Variants in TCEAL8 observed in about 807,000 individuals in gnomAD.
TCEAL8 encodes the protein transcription elongation factor A protein-like 8.
For missense variants in TCEAL8, 78 were observed against 92.0 expected, an observed-to-expected ratio of 0.85 and a Z score of 0.62; for synonymous variants, 41 against 29.6, an observed-to-expected ratio of 1.38 and a Z score of -1.25.
chrX:103,253,161 CTT>C lies in TCEAL8; in HGVS notation c.*463_*464del, dbSNP rs1360755203. On this transcript the variant is annotated 3_prime_UTR_variant, in exon 3 of 3. Coordinates refer to ENST00000372685, the MANE Select transcript of TCEAL8 (RefSeq NM_153333.3). The stretch of plus-strand genomic sequence containing the variant: ...TTACTTGTAAAAAAAATCCTTAATT[CTT>C]TTTGTGTGTGAGACACGTGTTCATT... 8.7e-6 allele frequency: 1 copy of C among 115,523 alleles called. No homozygotes were observed. Among genetic ancestry groups the C allele is most frequent in the African/African-American group, 3.2e-5 (1 of 30,914 alleles). 9.5% of individuals were successfully genotyped at this position (115,523 alleles called of 1,213,427 possible). A position where few individuals can be genotyped will look rare whatever the true frequency, so the allele number is the denominator to read the frequency against.
rs962873544 is a variant in TCEAL8 at position 103,254,038 on chromosome X, A to T, written c.-38-21T>A. 4.9e-6 allele frequency: 5 copies of T among 1,020,967 alleles called. No individual in the cohort carries two copies. The African/African-American group carries it at 7.6e-5, about 16-fold the overall frequency. 84.1% of individuals were successfully genotyped at this position (1,020,967 alleles called of 1,213,427 possible). On this transcript the variant is annotated intron_variant, in intron 2 of 2. Transcript: ENST00000372685. ...TAATCCTAGAAAACAAGGAAACAAAACTACTAGATTCCAGGCAAACAGACC... is the reference window on the plus strand; with the variant it reads ...TAATCCTAGAAAACAAGGAAACAAATCTACTAGATTCCAGGCAAACAGACC...
rs766783200 is a variant in TCEAL8, at chrX:103,254,008, T to C, written c.-29A>G. The C allele has an allele frequency of 1.8e-6, 2 of 1,122,053 alleles. No homozygotes were observed. Among genetic ancestry groups the C allele is most frequent in the Non-Finnish European group, 2.4e-6 (2 of 829,838 alleles). 92.5% of individuals were successfully genotyped at this position (1,122,053 alleles called of 1,213,427 possible). ...GAGTATTTTTTATTTCCTTTTTGAA[T>C]AAATTAATCCTAGAAAACAAGGAAA... On this transcript the variant is annotated 5_prime_UTR_variant, in exon 3 of 3. Coordinates refer to ENST00000372685, the MANE Select transcript of TCEAL8 (RefSeq NM_153333.3).
rs981688813 is a variant in TCEAL8 at position 103,253,926 on chromosome X, G to C, written c.54C>G (p.Ala18=). 2 of 1,211,490 alleles carry C rather than the reference G, an allele frequency of 1.7e-6. No individual in the cohort carries two copies. Among genetic ancestry groups the C allele is most frequent in the Admixed American group, 2.2e-5 (1 of 46,061 alleles). ...CATCCTCCAAAGGGCGATCTTCCTC[G>C]GCCTTTGGCATGTTCTGTGGTTTTC... ...NEGKPQNMPK[A]EEDRPLEDVP... Residue 18 remains alanine (A), a synonymous_variant, in exon 3 of 3, where the codon GCC becomes GCG. Coordinates refer to ENST00000372685, the MANE Select transcript of TCEAL8 (RefSeq NM_153333.3).
rs767434897 is a variant in TCEAL8 at position 103,253,993 on chromosome X, T to A, written c.-14A>T. 2 of 1,150,482 alleles carry A rather than the reference T, an allele frequency of 1.7e-6. No homozygotes were observed. Among genetic ancestry groups the A allele is most frequent in the Non-Finnish European group, 2.3e-6 (2 of 854,072 alleles). The allele number at this position is 1,150,482 out of a possible 1,213,427, so 94.8% of individuals were successfully genotyped here. A position where few individuals can be genotyped will look rare whatever the true frequency, so the allele number is the denominator to read the frequency against. ...AGACTTTTGCATATTGAGTATTTTTTATTTCCTTTTTGAATAAATTAATCC... is the reference window on the plus strand; with the variant it reads ...AGACTTTTGCATATTGAGTATTTTTAATTTCCTTTTTGAATAAATTAATCC... On this transcript the variant is annotated 5_prime_UTR_variant, in exon 3 of 3. Coordinates refer to ENST00000372685, the MANE Select transcript of TCEAL8 (RefSeq NM_153333.3).
intron 2 of TCEAL8, 53 bp from the exon 3 acceptor site, chrX:103,254,070 CAG>C (rs1569304213): frequency 2.1e-5 from 17 of 820,484 alleles, no homozygotes; most frequent in Non-Finnish European, 3.0e-5. Context: ...GACCAGCAGT[CAG>C]AGTATGGGGT....
rs981688813 is a variant in TCEAL8 at position 103,253,926 on chromosome X, G to A, written c.54C>T (p.Ala18=). The change falls in exon 3 of 3, where the codon GCC becomes GCT. Residue 18 remains alanine, a synonymous_variant. Transcript: ENST00000372685. ...CATCCTCCAAAGGGCGATCTTCCTC[G>A]GCCTTTGGCATGTTCTGTGGTTTTC... is the stretch of plus-strand genomic sequence containing the variant. ...NEGKPQNMPK[A]EEDRPLEDVP... is the part of the protein sequence containing the mutation. 6 of 1,210,031 alleles carry A rather than the reference G, an allele frequency of 5.0e-6. No homozygotes were observed. The highest frequency in any genetic ancestry group is 6.7e-6 in the Non-Finnish European group (6 of 895,111).
At chrX:103,254,576 G>A (rs1286703867) in intron 2 of TCEAL8, 29 bp downstream of exon 2, 1 of 112,105 alleles carries the variant, frequency 8.9e-6, no homozygotes, top group Non-Finnish European at 1.9e-5. Context: ...GAAGAGACCT[G>A]AAGCAATTGC....
chrX:103,253,741 T>C lies in TCEAL8; in HGVS notation c.239A>G (p.Asp80Gly). The C allele has an allele frequency of 5.8e-6, 7 of 1,212,145 alleles. No individual in the cohort carries two copies. The highest frequency in any genetic ancestry group is 7.8e-6 in the Non-Finnish European group (7 of 895,538). ...LDPEEMIRGV[D>G]ELERLREEIR... The stretch of plus-strand genomic sequence containing the variant: ...CTCTTCCCTAAGCCTTTCAAGCTCA[T>C]CTACTCCTCTTATCATTTCTTCAGG... Residue 80 changes from aspartate to glycine, a missense_variant, in exon 3 of 3, where the codon GAT becomes GGT. Transcript: ENST00000372685.
intron 2 of TCEAL8, among the ~76,000 whole-genome samples, chrX:103,254,391 C>A (rs1284005342): frequency 2.7e-5 from 3 of 110,829 alleles, no homozygotes; most frequent in Non-Finnish European, 5.7e-5. Flanking sequence ...TCACCTGAGA[C>A]GGCTGGTCCA....
chrX:103,253,495 T>G lies in TCEAL8; in HGVS notation c.*131A>C. ...CAAAATCCAAAATCCAATGAGATGC[T>G]GGTACCAAGGAAATTACCTAAAACA... On this transcript the variant is annotated 3_prime_UTR_variant, in exon 3 of 3. Coordinates refer to ENST00000372685, the MANE Select transcript of TCEAL8 (RefSeq NM_153333.3). 1.9e-6 allele frequency: 1 copy of G among 534,417 alleles called. No individual in the cohort carries two copies. Among genetic ancestry groups the G allele is most frequent in the East Asian group, 3.7e-5 (1 of 27,078 alleles). The allele number at this position is 534,417 out of a possible 1,213,427, so 44.0% of individuals were successfully genotyped here.
In TCEAL8 at chrX:103,253,203, A is replaced by T. The variant is rs1224467087; in HGVS notation, c.*423T>A. On this transcript the variant is annotated 3_prime_UTR_variant, in exon 3 of 3. Transcript: ENST00000372685. The stretch of plus-strand genomic sequence containing the variant: ...ACGTGTTCATTAAAAAGTACATATA[A>T]GCAAAAAGAACAAAAAGAAGAAAAC... 1 of 123,704 alleles carries T rather than the reference A, an allele frequency of 8.1e-6. No homozygotes were observed. Among genetic ancestry groups the T allele is most frequent in the African/African-American group, 3.2e-5 (1 of 31,349 alleles). 10.2% of individuals were successfully genotyped at this position (123,704 alleles called of 1,213,427 possible). A position where few individuals can be genotyped will look rare whatever the true frequency, so the allele number is the denominator to read the frequency against.
Position 103,253,684 on chromosome X carries a change from A to C in TCEAL8, c.296T>G (p.Met99Arg). ...IRRVRNKFVM[M>R]HWKQRHSRSR... ...GCGTGAATGTCTTTGCTTCCAATGC[A>C]TCATCACAAACTTGTTTCTTACTCT... The change falls in exon 3 of 3, where the codon ATG (methionine) becomes AGG (arginine). Residue 99 changes from methionine to arginine, a missense_variant. Transcript: ENST00000372685. 1 of 1,212,102 alleles carries C rather than the reference A, an allele frequency of 8.3e-7. No individual in the cohort carries two copies. Among genetic ancestry groups the C allele is most frequent in the Non-Finnish European group, 1.1e-6 (1 of 895,551 alleles).
In TCEAL8 at chrX:103,253,902, A is replaced by G; in HGVS notation, c.78T>C (p.Asp26=). ...PKAEEDRPLE[D]VPQEAEGNPQ... is the part of the protein sequence containing the mutation. The stretch of plus-strand genomic sequence containing the variant: ...GATTTCCTTCTGCCTCCTGTGGTAC[A>G]TCCTCCAAAGGGCGATCTTCCTCGG... The change falls in exon 3 of 3, where the codon GAT becomes GAC. Residue 26 remains aspartate, a synonymous_variant. Coordinates refer to ENST00000372685, the MANE Select transcript of TCEAL8 (RefSeq NM_153333.3). The G allele has an allele frequency of 8.3e-7, 1 of 1,212,009 alleles. No individual in the cohort carries two copies. The highest frequency in any genetic ancestry group is 1.1e-6 in the Non-Finnish European group (1 of 895,543).
At position 103,253,872 on chromosome X, in the gene TCEAL8, T is replaced by C. The variant is rs781204546; in HGVS notation, c.108A>G (p.Gln36=). 1.7e-6 allele frequency: 2 copies of C among 1,210,790 alleles called. No individual in the cohort carries two copies. The highest frequency in any genetic ancestry group is 1.8e-5 in the South Asian group (1 of 56,868). Reference sequence around the variant, plus strand: ...CCTGGCTTACGCCTTCTTCGGAAGGTTGAGGATTTCCTTCTGCCTCCTGTG... The same window carrying C: ...CCTGGCTTACGCCTTCTTCGGAAGGCTGAGGATTTCCTTCTGCCTCCTGTG... ...DVPQEAEGNP[Q]PSEEGVSQEA... The change falls in exon 3 of 3, where the codon CAA becomes CAG. Residue 36 remains glutamine, a synonymous_variant. Transcript: ENST00000372685.
chrX:103,253,286 A>G lies in TCEAL8; in HGVS notation c.*340T>C. 5.0e-6 allele frequency: 1 copy of G among 201,224 alleles called. No individual in the cohort carries two copies. 16.6% of individuals were successfully genotyped at this position (201,224 alleles called of 1,213,427 possible). On this transcript the variant is annotated 3_prime_UTR_variant, in exon 3 of 3. Coordinates refer to ENST00000372685, the MANE Select transcript of TCEAL8 (RefSeq NM_153333.3). ...TGGTTAAGTTTGTGATATATGTTAT[A>G]TGGATGTATGTATACACACACGCAC...
chrX:103,253,923 C>A lies in TCEAL8; in HGVS notation c.57G>T (p.Glu19Asp). ...EGKPQNMPKAEEDRPLEDVPQ... is the reference protein window; with the variant it reads ...EGKPQNMPKADEDRPLEDVPQ... ...GTACATCCTCCAAAGGGCGATCTTC[C>A]TCGGCCTTTGGCATGTTCTGTGGTT... The change falls in exon 3 of 3, where the codon GAG becomes GAT. Residue 19 changes from glutamate to aspartate, a missense_variant. Physicochemically the swap from Glu to Asp is conservative, Grantham distance 45 (BLOSUM62 2). Transcript: ENST00000372685. 8.3e-7 allele frequency: 1 copy of A among 1,211,927 alleles called. No individual in the cohort carries two copies. The highest frequency in any genetic ancestry group is 1.1e-6 in the Non-Finnish European group (1 of 895,456).
rs1413339409 is a variant in TCEAL8, at chrX:103,253,881, T to G, written c.99A>C (p.Gly33=). 6 of 1,210,842 alleles carry G rather than the reference T, an allele frequency of 5.0e-6. No individual in the cohort carries two copies. The highest frequency in any genetic ancestry group is 6.7e-6 in the Non-Finnish European group (6 of 895,357). ...CGCCTTCTTCGGAAGGTTGAGGATT[T>G]CCTTCTGCCTCCTGTGGTACATCCT... The part of the protein sequence containing the change: ...PLEDVPQEAE[G]NPQPSEEGVS... Residue 33 remains glycine (G), a synonymous_variant, in exon 3 of 3, where the codon GGA becomes GGC. Transcript: ENST00000372685.
At chrX:103,254,137 A>T (rs2147661652) in intron 2 of TCEAL8, 120 bp from the exon 3 acceptor site, 2 of 467,491 alleles carry the variant, frequency 4.3e-6, no homozygotes, top group Admixed American at 4.0e-5. Context: ...AAGTTTTCCA[A>T]CTAGAGAAAG....
Position 103,253,656 on chromosome X carries a change from G to C in TCEAL8, c.324C>G (p.Ser108Arg). Residue 108 changes from serine to arginine, a missense_variant, in exon 3 of 3, where the codon AGC (serine) becomes AGG (arginine). Ser to Arg is a moderately radical substitution (Grantham distance 110). Transcript: ENST00000372685. ...GCCTAAAGCACACAGGATAAGGACGGCTGCGTGAATGTCTTTGCTTCCAAT... is the reference window on the plus strand; with the variant it reads ...GCCTAAAGCACACAGGATAAGGACGCCTGCGTGAATGTCTTTGCTTCCAAT... The part of the protein sequence containing the change: ...MMHWKQRHSR[S>R]RPYPVCFRP 1 of 1,210,767 alleles carries C rather than the reference G, an allele frequency of 8.3e-7. No individual in the cohort carries two copies. The highest frequency in any genetic ancestry group is 1.7e-5 in the African/African-American group (1 of 57,885).
Sources: gnomAD v4.1 joint callset for allele counts (sites outside exome capture counted in the v4.1 genomes callset) on GRCh38, gnomAD v4.1.1 for gene constraint, MANE v1.5 for transcripts, NCBI Gene and HGNC (gene_info 2026-07-23, HGNC 2026-07-21) for gene names.